KCNJ10: variants seen among roughly 807,000 people sequenced by gnomAD.
KCNJ10 encodes the protein ATP-sensitive inward rectifier potassium channel 10.
Under a neutral mutation model 22.2 loss-of-function variants are expected in KCNJ10, and 9 were observed. That is an observed-to-expected ratio of 0.40 (90% CI 0.24 to 0.71). The LOEUF (loss-of-function observed/expected upper bound fraction) is 0.71, where lower values mean the gene tolerates loss of function less well. Ranked by LOEUF, KCNJ10 falls within the 30% of genes least tolerant of loss-of-function variation. The pLI, the probability that KCNJ10 is intolerant of heterozygous loss-of-function variation, is 0.35. For missense variants in KCNJ10, 337 were observed against 482.7 expected, an observed-to-expected ratio of 0.70 and a Z score of 2.83; for synonymous variants, 184 against 187.3, an observed-to-expected ratio of 0.98 and a Z score of 0.15.
chr1:160,063,072 GTA>G (rs1649239829), intron 1 of KCNJ10, among the ~76,000 whole-genome samples: 1 of 152,198 alleles, frequency 6.6e-6, no homozygotes, highest in Non-Finnish European at 1.5e-5. Context: ...GCTCTTCCCA[GTA>G]TATGTCTAAC....
In KCNJ10 at chr1:160,062,966, C is replaced by G. The variant is rs1571275693; in HGVS notation, c.-1+7056G>C. On this transcript the variant is annotated intron_variant, in intron 1 of 1. Coordinates refer to ENST00000644903, the MANE Select transcript of KCNJ10 (RefSeq NM_002241.5). ...GTTAGGGACAAGAGTCGCCTGCCAC[C>G]TGTGCTCTTCCAGGGAATTCAACCT... Among the ~76,000 whole-genome samples, 4 of 152,258 alleles carry G rather than the reference C, an allele frequency of 2.6e-5. No individual in the cohort carries two copies. The South Asian group carries it at 8.3e-4, about 32-fold the overall frequency.
chr1:160,050,840 T>C (rs1055786109), intron 1 of KCNJ10, among the ~76,000 whole-genome samples: 2 of 152,108 alleles, frequency 1.3e-5, no homozygotes, highest in Admixed American at 6.5e-5. Flanking sequence ...GATTCCTTCA[T>C]GGCCAGCTGC....
chr1:160,048,135 T>A (rs1465221279), intron 1 of KCNJ10, among the ~76,000 whole-genome samples: 1 of 152,258 alleles, frequency 6.6e-6, no homozygotes, highest in Admixed American at 6.5e-5. Context: ...TTAAGACCAC[T>A]GACTCTGCCT....
chr1:160,047,072 A>G (rs1174874562), intron 1 of KCNJ10, among the ~76,000 whole-genome samples: 2 of 152,042 alleles, frequency 1.3e-5, no homozygotes, highest in Non-Finnish European at 2.9e-5. Flanking sequence ...TACCACTCCC[A>G]CTTACTGCTA....
chr1:160,065,303 G>A (rs937713633), intron 1 of KCNJ10, among the ~76,000 whole-genome samples: 5 of 152,152 alleles, frequency 3.3e-5, no homozygotes, highest in African/African-American at 7.2e-5. Flanking sequence ...TAAGCGATCA[G>A]AAATGTTTCC....
chr1:160,050,950 CTTCTT>C (rs1648887734), intron 1 of KCNJ10, among the ~76,000 whole-genome samples: 1 of 151,888 alleles, frequency 6.6e-6, no homozygotes, highest in African/African-American at 2.4e-5. Flanking sequence ...TTTCTTTTCT[CTTCTT>C]TTCTTTTTTT....
In KCNJ10 at chr1:160,040,732, C is replaced by G. The variant is rs1332286509; in HGVS notation, c.*661G>C. On this transcript the variant is annotated 3_prime_UTR_variant, in exon 2 of 2. Coordinates refer to ENST00000644903, the MANE Select transcript of KCNJ10 (RefSeq NM_002241.5). ...TGGGCCAACTCCAATTCTCTGAGAA[C>G]AGAGGCTATGAGGGAACTGGGTATC... 2.5e-6 allele frequency: 1 copy of G among 397,552 alleles called. No homozygotes were observed. The highest frequency in any genetic ancestry group is 4.4e-6 in the Non-Finnish European group (1 of 225,952). The allele number at this position is 397,552 out of a possible 1,614,324, so 24.6% of individuals were successfully genotyped here. A position where few individuals can be genotyped will look rare whatever the true frequency, so the allele number is the denominator to read the frequency against.
intron 1 of KCNJ10, among the ~76,000 whole-genome samples, 190 bp downstream of exon 1, chr1:160,069,832 C>T (rs1649409735): frequency 6.6e-6 from 1 of 152,150 alleles, no homozygotes; most frequent in African/African-American, 2.4e-5. Flanking sequence ...CTAGTTTCCT[C>T]GTGGGGAGCC....
chr1:160,057,798 G>A (rs772228592), intron 1 of KCNJ10, among the ~76,000 whole-genome samples: 12 of 152,152 alleles, frequency 7.9e-5, no homozygotes, highest in African/African-American at 2.7e-4. Flanking sequence ...AGAGAAGGGC[G>A]GGGGAGGCTG....
intron 1 of KCNJ10, among the ~76,000 whole-genome samples, chr1:160,043,169 G>A (rs965196443): frequency 4.0e-5 from 6 of 151,682 alleles, no homozygotes; most frequent in Non-Finnish European, 7.4e-5. Flanking sequence ...CCAGTCCTCC[G>A]AAGAGCTCTA....
At chr1:160,049,722 T>TATATATATTTATATATATATATATA (rs1553235666) in intron 1 of KCNJ10, among the ~76,000 whole-genome samples, 1 of 122,898 alleles carries the variant, frequency 8.1e-6, no homozygotes, top group Non-Finnish European at 1.7e-5. Flanking sequence ...TATATATATG[T>TATATATATTTATATATATATATATA]TATCCTAAAG....
intron 1 of KCNJ10, among the ~76,000 whole-genome samples, chr1:160,055,035 G>T (rs909459906): frequency 2.0e-5 from 3 of 152,154 alleles, no homozygotes; most frequent in African/African-American, 7.2e-5. Flanking sequence ...ACCCTTGCCT[G>T]CGCAGTTGCC....
intron 1 of KCNJ10, among the ~76,000 whole-genome samples, chr1:160,049,446 C>T (rs1164056052): frequency 6.6e-6 from 1 of 151,828 alleles, no homozygotes; most frequent in African/African-American, 2.4e-5. Flanking sequence ...TCCTCCTTGT[C>T]TTTACCTATC....
chr1:160,044,509 A>G (rs1648694915), intron 1 of KCNJ10, among the ~76,000 whole-genome samples: 1 of 152,250 alleles, frequency 6.6e-6, no homozygotes. Context: ...TGAGAACAGA[A>G]GAAGTGCTGT....
chr1:160,057,428 C>T (rs551776270), intron 1 of KCNJ10, among the ~76,000 whole-genome samples: 3 of 152,276 alleles, frequency 2.0e-5, no homozygotes, highest in South Asian at 4.1e-4. Context: ...TTACTCTAGC[C>T]CCAGAATTGA....
chr1:160,064,668 C>G (rs80214814), intron 1 of KCNJ10: 2 of 152,182 alleles, frequency 1.3e-5, no homozygotes, highest in African/African-American at 2.4e-5. Flanking sequence ...AGTTTAAAAA[C>G]CAGTGCTCTA....
chr1:160,038,863 C>G lies in KCNJ10; in HGVS notation c.*2530G>C, dbSNP rs886045400. ...TCTCACCCCAGGTATCTTCCCCCAT[C>G]AGTTGTTTCGCCCGTCTTCTGAAAT... is the stretch of plus-strand genomic sequence containing the variant. On this transcript the variant is annotated 3_prime_UTR_variant, in exon 2 of 2. Coordinates refer to ENST00000644903, the MANE Select transcript of KCNJ10 (RefSeq NM_002241.5). The G allele has an allele frequency of 1.3e-5, 2 of 152,210 alleles. No homozygotes were observed. The highest frequency in any genetic ancestry group is 3.8e-4 in the East Asian group (2 of 5,196). 9.4% of individuals were successfully genotyped at this position (152,210 alleles called of 1,614,324 possible).
In KCNJ10 at chr1:160,053,030, C is replaced by T. The variant is rs370115236; in HGVS notation, c.1-10498G>A. Among the ~76,000 whole-genome samples, 6 of 152,356 alleles carry T rather than the reference C, an allele frequency of 3.9e-5. No individual in the cohort carries two copies. In the East Asian group the frequency reaches 1.2e-3, roughly 29 times the overall value. On this transcript the variant is annotated intron_variant, in intron 1 of 1. Transcript: ENST00000644903. ...AGGATGTCCAGTGTGTGGCCGCTTA[C>T]AGCTCATCCCTGTAGATTCTAGGGC...
intron 1 of KCNJ10, among the ~76,000 whole-genome samples, chr1:160,068,965 G>A (rs1442098016): frequency 2.6e-5 from 4 of 152,154 alleles, no homozygotes; most frequent in Non-Finnish European, 4.4e-5. Flanking sequence ...AGCAGTCCCA[G>A]TGGGGAGAAA....
Sources: allele counts gnomAD v4.1 joint callset (sites outside exome capture counted in the v4.1 genomes callset), GRCh38; gene constraint gnomAD v4.1.1; transcripts MANE v1.5; gene names NCBI Gene and HGNC (gene_info 2026-07-23, HGNC 2026-07-21).